Variants in SGCD observed in about 807,000 individuals in gnomAD.
SGCD encodes the protein sarcoglycan delta, also known as delta-sarcoglycan.
Under a neutral mutation model 36.6 loss-of-function variants are expected in SGCD, and 18 were observed. The observed-to-expected ratio is 0.49, with a 90% CI of 0.34 to 0.73. The LOEUF (loss-of-function observed/expected upper bound fraction) is 0.73, where lower values mean the gene tolerates loss of function less well. Ranked by LOEUF, SGCD falls within the 30% of genes least tolerant of loss-of-function variation. SGCD has a pLI of 0.01. For synonymous variants in SGCD, 133 were observed against 130.6 expected (o/e 1.02, Z -0.12); for missense variants, 387 against 346.7 (o/e 1.12, Z -0.92).
At chr5:156,299,955 C>A (rs995036169) in intron 3 of SGCD, among the ~76,000 whole-genome samples, 3 of 151,956 alleles carry the variant, frequency 2.0e-5, no homozygotes, top group Non-Finnish European at 2.9e-5. Flanking sequence ...CTAGCTAGGA[C>A]TTCCAGTACC....
intron 3 of SGCD, among the ~76,000 whole-genome samples, chr5:156,459,299 G>T (rs939925850): frequency 2.0e-5 from 3 of 152,184 alleles, no homozygotes; most frequent in African/African-American, 7.2e-5. Context: ...CTAGAAGAAA[G>T]CTTGTAGTCT....
chr5:156,389,784 G>C (rs1771467838), intron 3 of SGCD, among the ~76,000 whole-genome samples: 1 of 152,178 alleles, frequency 6.6e-6, no homozygotes, highest in Admixed American at 6.5e-5. Flanking sequence ...TCTGAATCCA[G>C]ATTTCATGTG....
At chr5:156,139,140 T>C (rs1301379061) in intron 3 of SGCD, among the ~76,000 whole-genome samples, 4 of 152,228 alleles carry the variant, frequency 2.6e-5, no homozygotes, top group African/African-American at 9.6e-5. Context: ...CTTTTCATTT[T>C]TTAAATGTTG....
chr5:156,139,117 G>A (rs987178933), intron 3 of SGCD, among the ~76,000 whole-genome samples: 1 of 152,124 alleles, frequency 6.6e-6, no homozygotes, highest in African/African-American at 2.4e-5. Flanking sequence ...TATTCATCCA[G>A]TCTGTTACTT....
At chr5:156,741,199 G>T (rs1214952131) in intron 7 of SGCD, among the ~76,000 whole-genome samples, 2 of 152,188 alleles carry the variant, frequency 1.3e-5, no homozygotes, top group Admixed American at 6.5e-5. Context: ...AGGTTTGGAA[G>T]TGATTAATGT....
At chr5:156,124,741 A>T (rs1166260950) in intron 3 of SGCD, among the ~76,000 whole-genome samples, 1 of 152,042 alleles carries the variant, frequency 6.6e-6, no homozygotes, top group Admixed American at 6.6e-5. Flanking sequence ...GTATATATAG[A>T]TAGAGTGTTG....
intron 3 of SGCD, among the ~76,000 whole-genome samples, chr5:156,456,351 C>T (rs1754259864): frequency 6.6e-6 from 1 of 152,134 alleles, no homozygotes; most frequent in East Asian, 1.9e-4. Flanking sequence ...TCATCATGAA[C>T]AGATGTTACT....
chr5:156,318,297 A>G (rs1464761498), intron 3 of SGCD, among the ~76,000 whole-genome samples: 1 of 152,222 alleles, frequency 6.6e-6, no homozygotes, highest in Non-Finnish European at 1.5e-5. Context: ...TTAAACTCAG[A>G]AAAAGGAGAG....
chr5:155,818,820 T>G, the SGCD span, among the ~76,000 whole-genome samples: 1 of 152,190 alleles, frequency 6.6e-6, no homozygotes, highest in African/African-American at 2.4e-5. Flanking sequence ...CATGCTTGGC[T>G]GGGAATGGAG....
intron 4 of SGCD, among the ~76,000 whole-genome samples, chr5:156,538,707 A>G (rs943753709): frequency 6.6e-6 from 1 of 152,220 alleles, no homozygotes; most frequent in South Asian, 2.1e-4. Flanking sequence ...GGCCCAGAGT[A>G]GATGCTAAAT....
intron 2 of SGCD, among the ~76,000 whole-genome samples, chr5:156,333,389 T>G (rs1580833390): frequency 6.6e-6 from 1 of 152,218 alleles, no homozygotes; most frequent in African/African-American, 2.4e-5. Flanking sequence ...AGTCACTCAA[T>G]AGGTATTCAA....
chr5:155,747,145 T>C, the SGCD span, among the ~76,000 whole-genome samples: 1 of 152,214 alleles, frequency 6.6e-6, no homozygotes, highest in African/African-American at 2.4e-5. Context: ...ACAATACTAC[T>C]TTTCTGGTTT....
At chr5:156,598,183 C>A (rs1319153179) in intron 6 of SGCD, among the ~76,000 whole-genome samples, 1 of 152,182 alleles carries the variant, frequency 6.6e-6, no homozygotes, top group Non-Finnish European at 1.5e-5. Flanking sequence ...GTAGAAATGG[C>A]ATTTTCTATT....
chr5:156,417,668 G>A lies in SGCD; in HGVS notation c.192+72991G>A, dbSNP rs1773115594. Among the ~76,000 whole-genome samples the A allele has an allele frequency of 2.0e-5, 3 of 151,942 alleles. 1 individual carries two copies. Among genetic ancestry groups the A allele is most frequent in the African/African-American group, 7.3e-5 (3 of 41,370 alleles). On this transcript the variant is annotated intron_variant, in intron 3 of 8. Coordinates refer to ENST00000337851, the MANE Select transcript of SGCD (RefSeq NM_000337.6). ...AGCACTGGTGTCTTTTTTCTTACAG[G>A]GGCACCAATTCTGTCAGATCAGGGC...
chr5:156,060,964 G>A (rs192118974), intron 1 of SGCD, among the ~76,000 whole-genome samples: 20 of 144,714 alleles, frequency 1.4e-4, no homozygotes, highest in African/African-American at 3.5e-4. Context: ...TCCTATCACC[G>A]TGGTCAGCGG....
intron 3 of SGCD, among the ~76,000 whole-genome samples, chr5:156,380,710 G>T (rs1352542769): frequency 6.6e-6 from 1 of 152,216 alleles, no homozygotes; most frequent in Non-Finnish European, 1.5e-5. Context: ...TTGCTCATCT[G>T]TAAAATGGGG....
At chr5:156,698,840 TACAC>T (rs150929203) in intron 7 of SGCD, among the ~76,000 whole-genome samples, 1,646 of 140,058 alleles carry the variant, frequency 0.012, 18 homozygotes, top group African/African-American at 0.027. Flanking sequence ...TAAATTAAAA[TACAC>T]ACACACACAC....
At chr5:156,587,417 T>A (rs993789441) in intron 4 of SGCD, among the ~76,000 whole-genome samples, 17 of 152,326 alleles carry the variant, frequency 1.1e-4, no homozygotes, top group South Asian at 4.1e-4. Context: ...GTCAGCCACA[T>A]CACATCAAAA....
intron 1 of SGCD, among the ~76,000 whole-genome samples, chr5:156,023,867 C>T (rs1759164580): frequency 6.6e-6 from 1 of 152,194 alleles, no homozygotes; most frequent in African/African-American, 2.4e-5. Flanking sequence ...TCTGCAATTG[C>T]TTCTTCCCTT....
Sources: gnomAD v4.1 joint callset for allele counts (sites outside exome capture counted in the v4.1 genomes callset) on GRCh38, gnomAD v4.1.1 for gene constraint, MANE v1.5 for transcripts, NCBI Gene and HGNC (gene_info 2026-07-23, HGNC 2026-07-21) for gene names.